The following ATXN3 variants were observed in gnomAD, a reference collection of about 807,000 sequenced individuals.
ATXN3 encodes the protein ataxin 3.
In ATXN3, 28 loss-of-function variants were observed where a neutral mutation model predicts 58.2. The ratio of observed to expected loss-of-function variants is 0.48; its 90% CI spans 0.36 to 0.66. The LOEUF (loss-of-function observed/expected upper bound fraction) is 0.66, where lower values mean the gene tolerates loss of function less well. ATXN3 is among the 30% of genes least tolerant of loss of function. ATXN3 has a pLI of 0.00. For synonymous variants in ATXN3, 113 were observed against 138.5 expected, an observed-to-expected ratio of 0.82 and a Z score of 1.29; for missense variants, 321 against 422.1, an observed-to-expected ratio of 0.76 and a Z score of 2.10.
At chr14:92,047,160 T>G (rs1232894051) in intron 2 of ATXN3, among the ~76,000 whole-genome samples, 1 of 152,074 alleles carries the variant, frequency 6.6e-6, no homozygotes, top group African/African-American at 2.4e-5. Context: ...GAGGCTGGGA[T>G]GAGTGGTGTA....
intron 10 of ATXN3, among the ~76,000 whole-genome samples, chr14:92,069,368 GC>G (rs1173193999): frequency 2.6e-4 from 29 of 111,698 alleles, no homozygotes; most frequent in African/African-American, 9.8e-4. Flanking sequence ...ACCGTGTCCA[GC>G]CCTTTTTTTT....
rs903207969 is a variant in ATXN3 at position 92,103,434 on chromosome 14, T to A, written c.24+3095A>T. Among the ~76,000 whole-genome samples the A allele has an allele frequency of 2.0e-5, 3 of 152,188 alleles. No homozygotes were observed. In the South Asian group the frequency reaches 6.2e-4, roughly 31 times the overall value. On this transcript the variant is annotated intron_variant, in intron 1 of 10. Transcript: ENST00000644486. ...AAAGCCATCTCTTTATCCATTCAAATATATACATTTTTTTCTTTTGAGACA... is the reference window on the plus strand; with the variant it reads ...AAAGCCATCTCTTTATCCATTCAAAAATATACATTTTTTTCTTTTGAGACA...
intron 10 of ATXN3, chr14:92,070,655 G>A (rs1000625978): frequency 6.3e-6 from 5 of 797,284 alleles, no homozygotes; most frequent in Non-Finnish European, 9.5e-6. Flanking sequence ...AAATTATTAT[G>A]TTAAAGTATT....
At chr14:92,103,974 T>A (rs769110770) in intron 1 of ATXN3, among the ~76,000 whole-genome samples, 1 of 152,162 alleles carries the variant, frequency 6.6e-6, no homozygotes, top group Non-Finnish European at 1.5e-5. Flanking sequence ...GTATAGGAGA[T>A]TAACAATTGG....
chr14:92,085,256 G>A (rs927969622), intron 6 of ATXN3, among the ~76,000 whole-genome samples: 1 of 151,030 alleles, frequency 6.6e-6, no homozygotes, highest in African/African-American at 2.4e-5. Context: ...GTATGATCTT[G>A]GCTCGCTGTA....
chr14:92,089,149 TG>T (rs1285486404), intron 5 of ATXN3, among the ~76,000 whole-genome samples: 1 of 151,450 alleles, frequency 6.6e-6, no homozygotes, highest in Non-Finnish European at 1.5e-5. Context: ...CCCAAGTAGC[TG>T]GGACTACAGG....
chr14:92,076,679 C>T (rs1299695821), intron 9 of ATXN3, among the ~76,000 whole-genome samples: 1 of 151,818 alleles, frequency 6.6e-6, no homozygotes, highest in Non-Finnish European at 1.5e-5. Context: ...GTGGTGCACG[C>T]CTGTAATCCC....
chr14:92,084,178 A>G (rs2061961361), intron 6 of ATXN3, among the ~76,000 whole-genome samples: 1 of 152,132 alleles, frequency 6.6e-6, no homozygotes. Context: ...TCCTTAATAC[A>G]TTACCCTTCA....
intron 10 of ATXN3, among the ~76,000 whole-genome samples, chr14:92,066,802 C>T (rs1489284783): frequency 2.0e-5 from 3 of 150,580 alleles, no homozygotes; most frequent in African/African-American, 7.4e-5. Flanking sequence ...TGGAGTCTCG[C>T]TCAACTGCCC....
chr14:92,100,079 T>G (rs1347812071), intron 1 of ATXN3, among the ~76,000 whole-genome samples: 3 of 152,062 alleles, frequency 2.0e-5, no homozygotes, highest in African/African-American at 7.2e-5. Flanking sequence ...AAATGTAAAT[T>G]AAAACCACAA....
At chr14:92,069,609 G>T (rs1390884536) in intron 10 of ATXN3, among the ~76,000 whole-genome samples, 3 of 151,618 alleles carry the variant, frequency 2.0e-5, no homozygotes, top group Non-Finnish European at 4.4e-5. Context: ...TTGACTTCAG[G>T]TATCTGCCAA....
chr14:92,096,055 A>T, intron 3 of ATXN3, 38 bp downstream of exon 3: 1 of 1,461,438 alleles, frequency 6.8e-7, no homozygotes, highest in Non-Finnish European at 9.5e-7. Flanking sequence ...GGTGCCTGGG[A>T]TGTAAGCAAC....
intron 6 of ATXN3, 126 bp from the exon 7 acceptor site, chr14:92,083,384 G>C: frequency 3.2e-6 from 3 of 950,132 alleles, no homozygotes; most frequent in Non-Finnish European, 3.1e-6. Flanking sequence ...GATTCAGAAA[G>C]ACTTTAGTCC....
chr14:92,104,697 G>A (rs1037744775), intron 1 of ATXN3, among the ~76,000 whole-genome samples: 9 of 151,984 alleles, frequency 5.9e-5, no homozygotes, highest in African/African-American at 1.7e-4. Flanking sequence ...AGGCCGAGGC[G>A]GGCGGACCAC....
In ATXN3 at chr14:92,082,378, G is replaced by C. The variant is rs2061618123; in HGVS notation, c.697C>G (p.Leu233Val). 1 of 1,613,690 alleles carries C rather than the reference G, an allele frequency of 6.2e-7. No homozygotes were observed. The highest frequency in any genetic ancestry group is 2.2e-5 in the East Asian group (1 of 44,876). ...DEDEEDLQRA[L>V]ALSRQEIDME... is the part of the protein sequence containing the mutation. ...TCAATTTCTTGGCGACTTAGTGCCAGAGCCCTCTGCAAATCCTCCTCATCT... is the reference window on the plus strand; with the variant it reads ...TCAATTTCTTGGCGACTTAGTGCCACAGCCCTCTGCAAATCCTCCTCATCT... The change falls in exon 8 of 11, where the codon CTG becomes GTG. Residue 233 changes from leucine to valine, a missense_variant. This residue lies in a region of ATXN3 where 200 missense variants were observed against 223.2 expected (regional missense o/e 0.90). Coordinates refer to ENST00000644486, the MANE Select transcript of ATXN3 (RefSeq NM_004993.6).
At chr14:92,099,830 C>T (rs1237083928) in intron 1 of ATXN3, among the ~76,000 whole-genome samples, 1 of 151,602 alleles carries the variant, frequency 6.6e-6, no homozygotes, top group Non-Finnish European at 1.5e-5. Context: ...GACTGCACCA[C>T]TGCACTCCAG....
At chr14:92,070,172 T>C (rs886125863) in intron 10 of ATXN3, among the ~76,000 whole-genome samples, 1 of 152,210 alleles carries the variant, frequency 6.6e-6, no homozygotes. Flanking sequence ...GTTTAAGACA[T>C]ATTTAAACCG....
At chr14:92,098,601 A>T (rs1465395449) in intron 1 of ATXN3, among the ~76,000 whole-genome samples, 1 of 152,172 alleles carries the variant, frequency 6.6e-6, no homozygotes, top group Admixed American at 6.5e-5. Context: ...AAATAAAAAT[A>T]AAAAAATCTC....
chr14:92,049,979 A>G (rs2057442508), upstream of ATXN3, among the ~76,000 whole-genome samples: 1 of 152,264 alleles, frequency 6.6e-6, no homozygotes, highest in Admixed American at 6.5e-5. Context: ...TGGCTAGTGC[A>G]GAAATTAAGT....
Sources: allele counts gnomAD v4.1 joint callset (sites outside exome capture counted in the v4.1 genomes callset), GRCh38; gene constraint gnomAD v4.1.1; regional missense constraint gnomAD v4.1.1; transcripts MANE v1.5; gene names NCBI Gene and HGNC (gene_info 2026-07-23, HGNC 2026-07-21).